Variants in ESPN observed in about 807,000 individuals in gnomAD.
The protein encoded by ESPN is espin.
Under a neutral mutation model 77.7 loss-of-function variants are expected in ESPN, and 68 were observed. The observed-to-expected ratio is 0.87, with a 90% CI of 0.72 to 1.07. ESPN has a LOEUF of 1.07. Ranked by LOEUF, ESPN falls within the 50% of genes least tolerant of loss-of-function variation. The pLI is 0.00. For synonymous variants in ESPN, 449 were observed against 567.1 expected, an observed-to-expected ratio of 0.79 and a Z score of 2.96; for missense variants, 1,060 against 1,239.0, an observed-to-expected ratio of 0.86 and a Z score of 2.17.
chr1:6,433,059 T>C (rs1229875737), intron 2 of ESPN, among the ~76,000 whole-genome samples: 1 of 150,222 alleles, frequency 6.7e-6, no homozygotes, highest in African/African-American at 2.5e-5. Context: ...GAAGCGGAGG[T>C]TGCAGTGAGC....
Position 6,438,910 on chromosome 1 carries a change from G to A in ESPN, c.489-1344G>A, listed in dbSNP as rs149472740. On this transcript the variant is annotated intron_variant, in intron 2 of 12. Transcript: ENST00000645284. Reference sequence around the variant, plus strand: ...GCGGATCACTTGAGCTCAGGAGTCCGAGACTAGCCTGGCCAAGATGGCAAA... The same window carrying A: ...GCGGATCACTTGAGCTCAGGAGTCCAAGACTAGCCTGGCCAAGATGGCAAA... Among the ~76,000 whole-genome samples, 246 of 152,344 alleles carry A rather than the reference G, an allele frequency of 1.6e-3. 1 individual carries two copies. Among genetic ancestry groups the A allele is most frequent in the African/African-American group, 5.0e-3 (206 of 41,578 alleles).
chr1:6,440,907 C>T, intron 4 of ESPN, 27 bp from the exon 5 acceptor site: 1 of 1,549,020 alleles, frequency 6.5e-7, no homozygotes, highest in Non-Finnish European at 8.7e-7. Context: ...GCGGCCGCGG[C>T]CGGGTCCTCA....
Position 6,444,523 on chromosome 1 carries a change from C to G in ESPN, c.1033C>G (p.Leu345Val). Residue 345 changes from leucine (L) to valine (V), a missense_variant, in exon 6 of 13, where the codon CTG becomes GTG. Coordinates refer to ENST00000645284, the MANE Select transcript of ESPN (RefSeq NM_031475.3). ...RVLSRDPSAELEAKQPDSGMS... is the reference protein window; with the variant it reads ...RVLSRDPSAEVEAKQPDSGMS... ...GCTTTCCCGGGATCCATCCGCAGAG[C>G]TGGAGGCTAAGCAGCCGGATTCAGG... 3 of 1,614,246 alleles carry G rather than the reference C, an allele frequency of 1.9e-6. No individual in the cohort carries two copies. Among genetic ancestry groups the G allele is most frequent in the Non-Finnish European group, 2.5e-6 (3 of 1,180,040 alleles).
intron 2 of ESPN, among the ~76,000 whole-genome samples, chr1:6,438,639 G>A (rs939541494): frequency 1.5e-4 from 23 of 152,254 alleles, no homozygotes; most frequent in African/African-American, 5.5e-4. Context: ...CCACTTACCA[G>A]CTGTGTGACC....
chr1:6,454,042 C>CAA (rs750082581), intron 10 of ESPN, among the ~76,000 whole-genome samples: 1 of 152,200 alleles, frequency 6.6e-6, no homozygotes, highest in Non-Finnish European at 1.5e-5. Flanking sequence ...GGAGAGGCCT[C>CAA]AATAGCCGCC....
chr1:6,443,173 A>C (rs1643707218), intron 5 of ESPN: 1 of 147,098 alleles, frequency 6.8e-6, no homozygotes, highest in Non-Finnish European at 1.5e-5. Flanking sequence ...ACTCTGTCTA[A>C]AAAAAAAAAA....
At position 6,437,379 on chromosome 1, in the gene ESPN, T is replaced by C. The variant is rs1232591283; in HGVS notation, c.489-2875T>C. 1 of 152,176 alleles carries C rather than the reference T, an allele frequency of 6.6e-6. No homozygotes were observed. Among genetic ancestry groups the C allele is most frequent in the Non-Finnish European group, 1.5e-5 (1 of 68,036 alleles). The allele number at this position is 152,176 out of a possible 1,614,324, so 9.4% of individuals were successfully genotyped here. ...GTGGGCCTCTACAGATAGAACCCAG[T>C]GGGCCCCCACCAGCCCCTGATCCCC... is the stretch of plus-strand genomic sequence containing the variant. On this transcript the variant is annotated intron_variant, in intron 2 of 12. Transcript: ENST00000645284. This position sits in a 1 kb window ranked among gnomAD's most constrained non-coding sequence, Gnocchi z 4.5.
intron 7 of ESPN, 36 bp from the exon 8 acceptor site, chr1:6,448,605 G>T: frequency 1.3e-6 from 2 of 1,534,838 alleles, no homozygotes; most frequent in African/African-American, 1.4e-5. Context: ...CTACCGGGCA[G>T]GTGCCCGAGC....
rs1465795788 is a variant in ESPN at position 6,450,180 on chromosome 1, G to T, written c.1915+1089G>T. On this transcript the variant is annotated intron_variant, in intron 8 of 12. Transcript: ENST00000645284. The surrounding 1 kb of genome is among the most constrained non-coding windows in gnomAD (Gnocchi z 4.3). ...CCTACCCCAACCCAGTGCCAAGGTG[G>T]AGGCCCTTGCTAGGGGCTAGAGCCA... is the stretch of plus-strand genomic sequence containing the variant. Among the ~76,000 whole-genome samples, 1 of 152,126 alleles carries T rather than the reference G, an allele frequency of 6.6e-6. No homozygotes were observed. Among genetic ancestry groups the T allele is most frequent in the East Asian group, 1.9e-4 (1 of 5,186 alleles).
At chr1:6,430,942 G>A (rs1643221383) in intron 2 of ESPN, among the ~76,000 whole-genome samples, 1 of 152,212 alleles carries the variant, frequency 6.6e-6, no homozygotes, top group Non-Finnish European at 1.5e-5. Context: ...AAGGGGTCCA[G>A]ATCCCTAATC....
chr1:6,448,567 G>A (rs1643890487), intron 7 of ESPN, 74 bp from the exon 8 acceptor site: 6 of 1,354,030 alleles, frequency 4.4e-6, no homozygotes, highest in Non-Finnish European at 5.0e-6. Context: ...AGGAGGTGAA[G>A]AGCTGGGTGG....
At position 6,437,172 on chromosome 1, in the gene ESPN, G is replaced by A. The variant is rs1383686893; in HGVS notation, c.489-3082G>A. ...ACTTGGGCTGGGAATGCCAGCCAGC[G>A]GCCCTGCAGGAGGCTGTGGGTACCA... is the stretch of plus-strand genomic sequence containing the variant. On this transcript the variant is annotated intron_variant, in intron 2 of 12. Transcript: ENST00000645284. The surrounding 1 kb of genome is among the most constrained non-coding windows in gnomAD (Gnocchi z 4.5). 3 of 152,232 alleles carry A rather than the reference G, an allele frequency of 2.0e-5. No individual in the cohort carries two copies. Among genetic ancestry groups the A allele is most frequent in the Non-Finnish European group, 4.4e-5 (3 of 68,046 alleles). The allele number at this position is 152,232 out of a possible 1,614,324, so 9.4% of individuals were successfully genotyped here. A position where few individuals can be genotyped will look rare whatever the true frequency, so the allele number is the denominator to read the frequency against.
chr1:6,436,996 CT>C (rs1343673417), intron 2 of ESPN, among the ~76,000 whole-genome samples: 2 of 152,058 alleles, frequency 1.3e-5, no homozygotes, highest in Non-Finnish European at 2.9e-5. Context: ...TCCCCTCCCC[CT>C]CAGCCCATCA....
chr1:6,425,243 A>G lies in ESPN; in HGVS notation c.288A>G (p.Arg96=). 1.3e-6 allele frequency: 2 copies of G among 1,567,450 alleles called. No individual in the cohort carries two copies. Among genetic ancestry groups the G allele is most frequent in the Non-Finnish European group, 8.6e-7 (1 of 1,165,328 alleles). Residue 96 remains arginine, a synonymous_variant, in exon 1 of 13, where the codon AGA becomes AGG. Coordinates refer to ENST00000645284, the MANE Select transcript of ESPN (RefSeq NM_031475.3). ...LQWLLSQGGC[R]VQDKDNSGAT... is the part of the protein sequence containing the mutation. Reference sequence around the variant, plus strand: ...GGCTGCTGTCGCAGGGCGGCTGCAGAGTGCAGGTGGGTCCGCGCGGTTCGC... The same window carrying G: ...GGCTGCTGTCGCAGGGCGGCTGCAGGGTGCAGGTGGGTCCGCGCGGTTCGC...
At chr1:6,457,134 C>T (rs1484358990) in intron 10 of ESPN, 50 bp from the exon 11 acceptor site, 2 of 1,540,594 alleles carry the variant, frequency 1.3e-6, no homozygotes, top group African/African-American at 2.7e-5. Context: ...TGAGGGTGCC[C>T]CCTATCTCCC....
rs1450147501 is a variant in ESPN, at chr1:6,457,900, G to A, written c.2417+528G>A. Among the ~76,000 whole-genome samples the A allele has an allele frequency of 5.9e-5, 9 of 151,962 alleles. No individual in the cohort carries two copies. The South Asian group carries it at 1.5e-3, about 25-fold the overall frequency. On this transcript the variant is annotated intron_variant, in intron 12 of 12. Transcript: ENST00000645284. ...TAAAAGTAAGTCTTTGGCCAGGCATGGTGGTTTACACATGTAATCCCAGCA... is the reference window on the plus strand; with the variant it reads ...TAAAAGTAAGTCTTTGGCCAGGCATAGTGGTTTACACATGTAATCCCAGCA...
intron 2 of ESPN, among the ~76,000 whole-genome samples, chr1:6,429,679 C>T (rs949719290): frequency 6.6e-6 from 1 of 152,214 alleles, no homozygotes; most frequent in Non-Finnish European, 1.5e-5. Context: ...TGGTGGGGAC[C>T]GCCAGCCCCT....
At chr1:6,449,347 G>A (rs1643907340) in intron 8 of ESPN, among the ~76,000 whole-genome samples, 1 of 152,144 alleles carries the variant, frequency 6.6e-6, no homozygotes, top group African/African-American at 2.4e-5. Flanking sequence ...CCACCCCCTA[G>A]CTGTGTGGCC....
intron 10 of ESPN, chr1:6,456,247 C>T (rs1176301050): frequency 7.6e-6 from 3 of 393,648 alleles, no homozygotes; most frequent in East Asian, 7.2e-5. Context: ...TTAACGTGGG[C>T]CTGGACGCCT....
Sources: allele counts gnomAD v4.1 joint callset (sites outside exome capture counted in the v4.1 genomes callset), GRCh38; gene constraint gnomAD v4.1.1; non-coding constraint Gnocchi (gnomAD v3.1); transcripts MANE v1.5; gene names NCBI Gene and HGNC (gene_info 2026-07-23, HGNC 2026-07-21).